The following USP12 variants were observed in gnomAD, a reference collection of about 807,000 sequenced individuals.
The protein encoded by USP12 is ubiquitin specific peptidase 12.
A neutral mutation model predicts 45.5 loss-of-function variants in USP12; 19 were observed. That is an observed-to-expected ratio of 0.42 (90% confidence interval 0.29 to 0.61). The LOEUF is 0.61. USP12 is among the 20% of genes least tolerant of loss of function. The pLI, the probability that USP12 is intolerant of heterozygous loss-of-function variation, is 0.22. For synonymous variants in USP12, 149 were observed against 148.8 expected (o/e 1.00, Z -0.01); for missense variants, 242 against 447.7 (o/e 0.54, Z 4.15).
chr13:27,154,096 TG>T (rs1418670653), intron 1 of USP12, among the ~76,000 whole-genome samples: 4 of 152,210 alleles, frequency 2.6e-5, no homozygotes, highest in African/African-American at 9.6e-5. Context: ...CCTAAGAAAA[TG>T]TGAGAGTTGC....
Position 27,069,348 on chromosome 13 carries a change from A to G in USP12, c.1048T>C (p.Leu350=), listed in dbSNP as rs1873133047. 1.9e-6 allele frequency: 3 copies of G among 1,613,116 alleles called. No homozygotes were observed. Among genetic ancestry groups the G allele is most frequent in the Non-Finnish European group, 2.5e-6 (3 of 1,179,846 alleles). Residue 350 remains leucine (L), a synonymous_variant, in exon 9 of 9, where the codon TTG becomes CTG. Coordinates refer to ENST00000282344, the MANE Select transcript of USP12 (RefSeq NM_182488.4). ...DAQAIEEFYG[L]TSDISKNSES... ...GAGTTCTTTGAGATATCTGATGTCA[A>G]CCCGTAGAATTCTTCAATAGCTTGT...
intron 3 of USP12, among the ~76,000 whole-genome samples, chr13:27,096,100 G>A (rs1874568703): frequency 6.6e-6 from 1 of 151,950 alleles, no homozygotes; most frequent in African/African-American, 2.4e-5. Flanking sequence ...AACAGATACT[G>A]AGAATTTAAG....
chr13:27,147,975 A>T (rs1213310587), intron 1 of USP12, among the ~76,000 whole-genome samples: 1 of 152,050 alleles, frequency 6.6e-6, no homozygotes, highest in Non-Finnish European at 1.5e-5. Flanking sequence ...AAAAAATTTA[A>T]AAATTAGCCA....
At chr13:27,150,251 T>C (rs565758802) in intron 1 of USP12, among the ~76,000 whole-genome samples, 1 of 152,078 alleles carries the variant, frequency 6.6e-6, no homozygotes, top group Non-Finnish European at 1.5e-5. Context: ...AGCAAAAAAT[T>C]GTATTTATAT....
intron 6 of USP12, among the ~76,000 whole-genome samples, chr13:27,086,191 A>ATATATATATATATAT (rs1555233222): frequency 5.1e-4 from 37 of 72,548 alleles, no homozygotes; most frequent in African/African-American, 8.3e-4. Flanking sequence ...AAAAAAAAAA[A>ATATATATATATATAT]AAAAAAATAT....
intron 3 of USP12, among the ~76,000 whole-genome samples, chr13:27,104,943 A>C (rs945607643): frequency 3.3e-5 from 5 of 152,242 alleles, no homozygotes; most frequent in Admixed American, 6.5e-5. Flanking sequence ...TCTACATGTT[A>C]TCTAAATTCC....
intron 4 of USP12, among the ~76,000 whole-genome samples, chr13:27,090,958 T>C (rs73155868): frequency 0.05 from 7,571 of 152,260 alleles, 243 homozygotes; most frequent in Middle Eastern, 0.061. Context: ...CTGTGCATAG[T>C]GTATTTTATA....
chr13:27,132,812 A>G (rs1282317652), intron 1 of USP12, among the ~76,000 whole-genome samples: 1 of 152,204 alleles, frequency 6.6e-6, no homozygotes, highest in Non-Finnish European at 1.5e-5. Context: ...CGCACTCCTC[A>G]GACAAAAGAT....
In USP12 at chr13:27,120,377, G is replaced by A. The variant is rs137938323; in HGVS notation, c.49-3781C>T. 4.0e-4 allele frequency among the ~76,000 whole-genome samples: 61 copies of A among 152,286 alleles called. No individual in the cohort carries two copies. In the East Asian group the frequency reaches 0.011, roughly 27 times the overall value. ...TGAGTTAAGTTCTGCTCCAGGCCAG[G>A]CACAGTAGCTCACGCCTGTAATCCC... is the stretch of plus-strand genomic sequence containing the variant. On this transcript the variant is annotated intron_variant, in intron 1 of 8. Coordinates refer to ENST00000282344, the MANE Select transcript of USP12 (RefSeq NM_182488.4).
chr13:27,116,807 G>A (rs576509181), intron 1 of USP12, among the ~76,000 whole-genome samples: 1 of 152,210 alleles, frequency 6.6e-6, no homozygotes, highest in Non-Finnish European at 1.5e-5. Context: ...CCTGTGTTAC[G>A]ATTGCCTAGA....
At chr13:27,162,004 C>A (rs1200747926) in intron 1 of USP12, among the ~76,000 whole-genome samples, 1 of 152,148 alleles carries the variant, frequency 6.6e-6, no homozygotes, top group African/African-American at 2.4e-5. Flanking sequence ...TACTCATTTT[C>A]AAACTTTGAA....
At chr13:27,069,548 T>G (rs1054829070) in intron 8 of USP12, among the ~76,000 whole-genome samples, 164 bp from the exon 9 acceptor site, 1 of 152,244 alleles carries the variant, frequency 6.6e-6, no homozygotes, top group Non-Finnish European at 1.5e-5. Context: ...TATAAATACC[T>G]ATCTTCTAAA....
chr13:27,075,733 G>A (rs1873448536), intron 6 of USP12, among the ~76,000 whole-genome samples: 1 of 152,030 alleles, frequency 6.6e-6, no homozygotes, highest in Admixed American at 6.6e-5. Flanking sequence ...GGGTGCTCAA[G>A]AGTGGTAGAG....
At chr13:27,170,245 G>A (rs990519772) in intron 1 of USP12, 6 of 398,202 alleles carry the variant, frequency 1.5e-5, no homozygotes, top group Admixed American at 8.8e-5. Flanking sequence ...ATGTCCACCT[G>A]ATTTCAGTCA....
At chr13:27,072,063 T>C (rs1873267017) in intron 7 of USP12, among the ~76,000 whole-genome samples, 1 of 152,134 alleles carries the variant, frequency 6.6e-6, no homozygotes, top group African/African-American at 2.4e-5. Context: ...ATCCTGTAGG[T>C]GAGATAAATA....
chr13:27,110,327 G>A (rs983005156), intron 2 of USP12, among the ~76,000 whole-genome samples: 36 of 152,270 alleles, frequency 2.4e-4, no homozygotes, highest in African/African-American at 8.7e-4. Context: ...GACCTAACCA[G>A]ATAAGTTCAT....
In USP12 at chr13:27,138,649, A is replaced by G. The variant is rs147792768; in HGVS notation, c.49-22053T>C. 7.6e-3 allele frequency among the ~76,000 whole-genome samples: 1,160 copies of G among 152,318 alleles called. 48 individuals carry two copies. The highest frequency in any genetic ancestry group is 0.068 in the Admixed American group (1,043 of 15,296). ...GGTATGCAGGAGTCAAACACTGGTC[A>G]TTATGACTGGTTTCACTTCAAGATG... On this transcript the variant is annotated intron_variant, in intron 1 of 8. Transcript: ENST00000282344.
chr13:27,089,263 T>C (rs943315801), intron 6 of USP12, among the ~76,000 whole-genome samples: 14 of 152,232 alleles, frequency 9.2e-5, no homozygotes, highest in Non-Finnish European at 8.8e-5. Context: ...TGGATGGATG[T>C]GCACACATAG....
chr13:27,117,222 T>C (rs1875786927), intron 1 of USP12, among the ~76,000 whole-genome samples: 2 of 152,194 alleles, frequency 1.3e-5, no homozygotes, highest in South Asian at 2.1e-4. Context: ...ATTCATAACA[T>C]GTTCTTTTTT....
Sources: allele counts gnomAD v4.1 joint callset (sites outside exome capture counted in the v4.1 genomes callset), GRCh38; gene constraint gnomAD v4.1.1; transcripts MANE v1.5; gene names NCBI Gene and HGNC (gene_info 2026-07-23, HGNC 2026-07-21).